The following NMU variants were observed in gnomAD, a reference collection of about 807,000 sequenced individuals.
The protein encoded by NMU is neuromedin-U.
In NMU, 29 loss-of-function variants were observed where a neutral mutation model predicts 35.4. That is an observed-to-expected ratio of 0.82 (90% CI 0.61 to 1.12). NMU has a LOEUF of 1.12. NMU is among the 50% of genes most tolerant of loss of function. The probability of loss-of-function intolerance (pLI) is 0.00; values close to 1 mark genes in which losing one functional copy is unlikely to be tolerated. For missense variants in NMU, 199 were observed against 206.2 expected (o/e 0.97, Z 0.21); for synonymous variants, 78 against 81.3 (o/e 0.96, Z 0.22).
At chr4:55,618,680 TTC>T (rs141124691) in intron 2 of NMU, among the ~76,000 whole-genome samples, 5 of 145,164 alleles carry the variant, frequency 3.4e-5, no homozygotes, top group Admixed American at 1.4e-4. Context: ...TCTTCCTTTC[TTC>T]TCTCTTTCTT....
At chr4:55,596,546 C>A (rs1029901455) in intron 9 of NMU, among the ~76,000 whole-genome samples, 1 of 151,876 alleles carries the variant, frequency 6.6e-6, no homozygotes, top group African/African-American at 2.4e-5. Flanking sequence ...AAAATAGTTT[C>A]TTTTCCATTA....
rs1230942960 is a variant in NMU at position 55,630,336 on chromosome 4, ATT to A, written c.171+64_171+65del. ...TAGTTCTCCCAAAGCTCAATTATAC[ATT>A]TTAACATGATAATTTCAAAGAAGGG... On this transcript the variant is annotated intron_variant, in intron 2 of 9. Coordinates refer to ENST00000264218, the MANE Select transcript of NMU (RefSeq NM_006681.4). The A allele has an allele frequency of 3.1e-5, 37 of 1,176,460 alleles. 1 individual carries two copies. In the South Asian group the frequency reaches 4.4e-4, roughly 14 times the overall value. 72.9% of individuals were successfully genotyped at this position (1,176,460 alleles called of 1,614,324 possible). A position where few individuals can be genotyped will look rare whatever the true frequency, so the allele number is the denominator to read the frequency against.
intron 6 of NMU, 55 bp downstream of exon 6, chr4:55,607,243 T>C: frequency 7.5e-7 from 1 of 1,324,704 alleles, no homozygotes; most frequent in East Asian, 2.3e-5. Context: ...GCAAAAACAG[T>C]TTCATTCTTT....
chr4:55,617,550 G>A (rs892824686), intron 2 of NMU, among the ~76,000 whole-genome samples: 17 of 151,896 alleles, frequency 1.1e-4, no homozygotes, highest in African/African-American at 4.1e-4. Flanking sequence ...GAGGGTAGGG[G>A]CCGTGTTATC....
intron 2 of NMU, among the ~76,000 whole-genome samples, chr4:55,629,326 C>A (rs1248860811): frequency 6.6e-6 from 1 of 151,156 alleles, no homozygotes; most frequent in Non-Finnish European, 1.5e-5. Flanking sequence ...GTCTTAAATT[C>A]CTGGGCTGAA....
intron 1 of NMU, among the ~76,000 whole-genome samples, chr4:55,634,458 T>A (rs6554296): frequency 0.97 from 147,479 of 152,214 alleles, 71,500 homozygotes; most frequent in East Asian, 1. Flanking sequence ...TTTGGAAATA[T>A]AAACCAAGAC....
At chr4:55,603,780 C>T (rs1246050611) in intron 7 of NMU, among the ~76,000 whole-genome samples, 3 of 150,268 alleles carry the variant, frequency 2.0e-5, no homozygotes, top group Non-Finnish European at 4.4e-5. Flanking sequence ...GGCGTAGCGG[C>T]GGGCGCCTGT....
At chr4:55,614,783 A>G (rs1011239278) in intron 3 of NMU, among the ~76,000 whole-genome samples, 1 of 152,202 alleles carries the variant, frequency 6.6e-6, no homozygotes, top group Non-Finnish European at 1.5e-5. Flanking sequence ...GATTTTGAGG[A>G]TGTTCCTGAA....
At chr4:55,598,581 T>C (rs1306033112) in intron 9 of NMU, among the ~76,000 whole-genome samples, 1 of 152,206 alleles carries the variant, frequency 6.6e-6, no homozygotes, top group African/African-American at 2.4e-5. Flanking sequence ...AAATTTCTAC[T>C]CTATGTCCAG....
chr4:55,614,871 G>A (rs1026391719), intron 3 of NMU, among the ~76,000 whole-genome samples: 1 of 152,164 alleles, frequency 6.6e-6, no homozygotes, highest in Non-Finnish European at 1.5e-5. Context: ...AATGCTCCTT[G>A]AATAATTTGA....
At chr4:55,635,317 C>T (rs1423083613) in intron 1 of NMU, among the ~76,000 whole-genome samples, 1 of 152,214 alleles carries the variant, frequency 6.6e-6, no homozygotes, top group East Asian at 1.9e-4. Flanking sequence ...TTCAGATCTC[C>T]TTCCCTGACC....
chr4:55,598,065 TTTG>T (rs1341965937), intron 9 of NMU, among the ~76,000 whole-genome samples: 4 of 150,440 alleles, frequency 2.7e-5, no homozygotes, highest in African/African-American at 4.9e-5. Context: ...TGAAATTTAC[TTTG>T]TTGTTGTTGT....
chr4:55,606,172 G>A (rs1733675074), intron 6 of NMU, among the ~76,000 whole-genome samples: 1 of 152,178 alleles, frequency 6.6e-6, no homozygotes, highest in Non-Finnish European at 1.5e-5. Context: ...CTGAGTTTAA[G>A]ATTATAGTTA....
intron 7 of NMU, among the ~76,000 whole-genome samples, chr4:55,604,871 T>C (rs140667885): frequency 6.6e-6 from 1 of 151,840 alleles, no homozygotes; most frequent in African/African-American, 2.4e-5. Context: ...GCAGAAAGCT[T>C]GCCATCCTAG....
intron 1 of NMU, among the ~76,000 whole-genome samples, chr4:55,635,692 C>T (rs144511694): frequency 7.0e-4 from 106 of 152,352 alleles, no homozygotes; most frequent in African/African-American, 2.5e-3. Flanking sequence ...CCATCAATCT[C>T]TCCAATAATT....
At chr4:55,600,387 T>C in intron 8 of NMU, 135 bp downstream of exon 8, 1 of 653,804 alleles carries the variant, frequency 1.5e-6, no homozygotes, top group East Asian at 2.7e-5. Flanking sequence ...CAGAAGTGAA[T>C]GTCAGACTGT....
intron 9 of NMU, among the ~76,000 whole-genome samples, chr4:55,598,660 A>T (rs1178696595): frequency 6.6e-6 from 1 of 152,212 alleles, no homozygotes; most frequent in Non-Finnish European, 1.5e-5. Flanking sequence ...CACATTTTAA[A>T]ATATTCTCTA....
In NMU at chr4:55,632,371, A is replaced by G. The variant is rs537992862; in HGVS notation, c.113-1911T>C. ...TTTCATTTAAGTTCTAATAACAACA[A>G]TAATAATGACAGTAATCAACTACAT... On this transcript the variant is annotated intron_variant, in intron 1 of 9. Transcript: ENST00000264218. Among the ~76,000 whole-genome samples the G allele has an allele frequency of 4.6e-5, 7 of 152,348 alleles. No individual in the cohort carries two copies. The South Asian group carries it at 1.5e-3, about 32-fold the overall frequency.
chr4:55,615,642 A>C (rs1479355185), intron 3 of NMU, among the ~76,000 whole-genome samples: 1 of 152,168 alleles, frequency 6.6e-6, no homozygotes, highest in Non-Finnish European at 1.5e-5. Flanking sequence ...ATTATTATTT[A>C]AACTTTTATT....
Sources: allele counts gnomAD v4.1 joint callset (sites outside exome capture counted in the v4.1 genomes callset), GRCh38; gene constraint gnomAD v4.1.1; transcripts MANE v1.5; gene names NCBI Gene and HGNC (gene_info 2026-07-23, HGNC 2026-07-21).